CACNA2D3: variants seen among roughly 807,000 people sequenced by gnomAD.
CACNA2D3 encodes the protein calcium voltage-gated channel auxiliary subunit alpha2delta 3, also known as voltage-dependent calcium channel subunit alpha-2/delta-3.
In CACNA2D3, 60 loss-of-function variants were observed where a neutral mutation model predicts 160.6. The observed-to-expected ratio is 0.37, with a 90% confidence interval of 0.30 to 0.46. The LOEUF is 0.46. Among genes scored for constraint, CACNA2D3 ranks in the 20% least tolerant of loss-of-function variants. The pLI is 1.00. For synonymous variants in CACNA2D3, 558 were observed against 492.9 expected (o/e 1.13, Z -1.75); for missense variants, 1,205 against 1,365.0 (o/e 0.88, Z 1.85).
At chr3:54,511,149 C>G (rs924444189) in intron 5 of CACNA2D3, among the ~76,000 whole-genome samples, 3 of 152,226 alleles carry the variant, frequency 2.0e-5, no homozygotes, top group Non-Finnish European at 4.4e-5. Context: ...AAAGACCTGT[C>G]CTTTCCTGAG....
intron 9 of CACNA2D3, among the ~76,000 whole-genome samples, chr3:54,587,791 T>C (rs1030467852): frequency 2.6e-5 from 4 of 152,208 alleles, no homozygotes; most frequent in African/African-American, 9.6e-5. Context: ...AGACTAATCC[T>C]ATAACTATTA....
intron 35 of CACNA2D3, among the ~76,000 whole-genome samples, chr3:55,062,760 T>C (rs1704545306): frequency 6.6e-6 from 1 of 152,246 alleles, no homozygotes; most frequent in South Asian, 2.1e-4. Context: ...GACCTCTGCC[T>C]CCCATCTGAC....
chr3:54,682,695 C>A (rs1026182972), intron 11 of CACNA2D3, among the ~76,000 whole-genome samples: 11 of 152,058 alleles, frequency 7.2e-5, no homozygotes, highest in African/African-American at 2.7e-4. Flanking sequence ...TTCAGAATGG[C>A]CTTTAAATAT....
At chr3:54,872,809 C>T (rs1699568226) in intron 18 of CACNA2D3, among the ~76,000 whole-genome samples, 1 of 152,192 alleles carries the variant, frequency 6.6e-6, no homozygotes, top group Non-Finnish European at 1.5e-5. Context: ...CTCCTTCCTC[C>T]TCCATACCCT....
intron 4 of CACNA2D3, among the ~76,000 whole-genome samples, chr3:54,401,192 A>C (rs1699456711): frequency 6.6e-6 from 1 of 152,174 alleles, no homozygotes; most frequent in Non-Finnish European, 1.5e-5. Flanking sequence ...TTACCTAGTC[A>C]ACGGAAAAAA....
intron 13 of CACNA2D3, among the ~76,000 whole-genome samples, chr3:54,811,085 C>T (rs896598557): frequency 6.6e-6 from 1 of 152,170 alleles, no homozygotes; most frequent in African/African-American, 2.4e-5. Context: ...GTAACCTCAT[C>T]TACGTGCAGA....
At chr3:54,900,666 C>G (rs1437445102) in intron 27 of CACNA2D3, among the ~76,000 whole-genome samples, 5 of 152,264 alleles carry the variant, frequency 3.3e-5, no homozygotes, top group African/African-American at 1.2e-4. Flanking sequence ...GCTGGGTTTA[C>G]TAAAGAGAGC....
chr3:54,267,349 A>G (rs1490866415), intron 2 of CACNA2D3, among the ~76,000 whole-genome samples: 1 of 152,198 alleles, frequency 6.6e-6, no homozygotes, highest in Non-Finnish European at 1.5e-5. Context: ...AAAGGAGGCT[A>G]TGACAAACCA....
At chr3:54,343,938 A>G (rs1420229336) in intron 3 of CACNA2D3, among the ~76,000 whole-genome samples, 1 of 152,226 alleles carries the variant, frequency 6.6e-6, no homozygotes, top group African/African-American at 2.4e-5. Context: ...TAATCGTGAT[A>G]TTTATACAGT....
chr3:54,511,494 T>G (rs1701458156), intron 5 of CACNA2D3, among the ~76,000 whole-genome samples: 1 of 152,246 alleles, frequency 6.6e-6, no homozygotes, highest in South Asian at 2.1e-4. Flanking sequence ...TTCTGTCAAC[T>G]CTTCTTCTAT....
intron 2 of CACNA2D3, among the ~76,000 whole-genome samples, chr3:54,315,176 A>G (rs143643226): frequency 9.8e-5 from 15 of 152,292 alleles, no homozygotes; most frequent in African/African-American, 1.4e-4. Flanking sequence ...GCATGTGGCC[A>G]TGGAGTAATT....
At chr3:54,627,693 A>G (rs1699152950) in intron 9 of CACNA2D3, 94 bp from the exon 10 acceptor site, 1 of 763,528 alleles carries the variant, frequency 1.3e-6, no homozygotes, top group South Asian at 1.5e-5. Flanking sequence ...TCTGACAATC[A>G]TTGGTCTTGC....
intron 3 of CACNA2D3, among the ~76,000 whole-genome samples, chr3:54,385,261 C>T (rs1699168884): frequency 6.6e-6 from 1 of 152,142 alleles, no homozygotes; most frequent in Admixed American, 6.5e-5. Context: ...TGAAACTGAT[C>T]CTGCCAGTGT....
chr3:55,043,526 T>C (rs988611273), intron 35 of CACNA2D3, among the ~76,000 whole-genome samples: 2 of 152,162 alleles, frequency 1.3e-5, no homozygotes, highest in African/African-American at 4.8e-5. Context: ...ATTGAGTTTT[T>C]TACTGTTGCA....
rs558617744 is a variant in CACNA2D3 at position 54,649,840 on chromosome 3, G to A, written c.1167+7599G>A. ...AGTCCATAACACTGTCTGTTCCTGTGGGGGCAGAGTTGACCTATCCATAAA... is the reference window on the plus strand; with the variant it reads ...AGTCCATAACACTGTCTGTTCCTGTAGGGGCAGAGTTGACCTATCCATAAA... On this transcript the variant is annotated intron_variant, in intron 11 of 37. Coordinates refer to ENST00000474759, the MANE Select transcript of CACNA2D3 (RefSeq NM_018398.3). Among the ~76,000 whole-genome samples the A allele has an allele frequency of 3.3e-5, 5 of 152,292 alleles. No homozygotes were observed. In the East Asian group the frequency reaches 7.7e-4, roughly 24 times the overall value.
intron 2 of CACNA2D3, among the ~76,000 whole-genome samples, chr3:54,247,330 A>AAACAAACAAACG (rs1702101182): frequency 6.7e-6 from 1 of 148,358 alleles, no homozygotes; most frequent in Non-Finnish European, 1.5e-5. Context: ...ACAAACAAAC[A>AAACAAACAAACG]AATAAATAAA....
At chr3:54,900,997 G>T (rs929102637) in intron 27 of CACNA2D3, among the ~76,000 whole-genome samples, 8 of 152,210 alleles carry the variant, frequency 5.3e-5, no homozygotes, top group African/African-American at 1.9e-4. Flanking sequence ...GAACTAAGCA[G>T]ACCTATTCTT....
intron 35 of CACNA2D3, among the ~76,000 whole-genome samples, chr3:55,049,093 C>A (rs1227133752): frequency 2.0e-5 from 3 of 151,538 alleles, no homozygotes. Flanking sequence ...TTTTTGTGTC[C>A]CTGTTTCCTT....
intron 2 of CACNA2D3, among the ~76,000 whole-genome samples, chr3:54,314,206 C>T (rs1703812185): frequency 6.6e-6 from 1 of 152,186 alleles, no homozygotes; most frequent in Non-Finnish European, 1.5e-5. Context: ...GTCTCCAATT[C>T]CCTCCAGGTT....
Sources: gnomAD v4.1 joint callset for allele counts (sites outside exome capture counted in the v4.1 genomes callset) on GRCh38, gnomAD v4.1.1 for gene constraint, MANE v1.5 for transcripts, NCBI Gene and HGNC (gene_info 2026-07-23, HGNC 2026-07-21) for gene names.